CCDC146: variants seen among roughly 807,000 people sequenced by gnomAD.
CCDC146 encodes coiled-coil domain-containing protein 146.
CCDC146 carries 92 observed loss-of-function variants against 119.3 expected under a neutral mutation model. The observed-to-expected ratio is 0.77, with a 90% CI of 0.65 to 0.92. CCDC146 has a LOEUF of 0.92. Among genes scored for constraint, CCDC146 ranks in the 40% least tolerant of loss-of-function variants. The pLI is 0.00. For missense variants in CCDC146, 1,000 were observed against 1,103.0 expected (o/e 0.91, Z 1.32); for synonymous variants, 372 against 371.8 (o/e 1.00, Z -0.01).
intron 2 of CCDC146, among the ~76,000 whole-genome samples, chr7:77,217,560 T>TAGAG (rs200588758): frequency 1.4e-3 from 194 of 137,574 alleles, no homozygotes; most frequent in African/African-American, 4.6e-3. Flanking sequence ...CATATATATA[T>TAGAG]ATAGAGAGAG....
intron 2 of CCDC146, among the ~76,000 whole-genome samples, chr7:77,187,240 G>A (rs1791681757): frequency 6.6e-6 from 1 of 152,138 alleles, no homozygotes; most frequent in African/African-American, 2.4e-5. Context: ...TGCAAGGAGG[G>A]AATAAGGACT....
chr7:77,286,699 T>C, intron 15 of CCDC146, 99 bp from the exon 16 acceptor site: 3 of 1,116,174 alleles, frequency 2.7e-6, no homozygotes, highest in South Asian at 2.9e-5. Context: ...CTTGTCTGGG[T>C]TGGTCCTACT....
At chr7:77,217,753 A>G (rs551142372) in intron 2 of CCDC146, among the ~76,000 whole-genome samples, 1 of 152,330 alleles carries the variant, frequency 6.6e-6, no homozygotes, top group Non-Finnish European at 1.5e-5. Flanking sequence ...TGTAGCCTAT[A>G]GCTCCTAGGC....
At chr7:77,275,190 T>C (rs1197026861) in intron 11 of CCDC146, among the ~76,000 whole-genome samples, 1 of 152,024 alleles carries the variant, frequency 6.6e-6, no homozygotes, top group Non-Finnish European at 1.5e-5. Context: ...ACTCACAGAA[T>C]ACAAAACCTG....
chr7:77,275,248 A>G lies in CCDC146; in HGVS notation c.1440+596A>G, dbSNP rs1171350758. On this transcript the variant is annotated intron_variant, in intron 11 of 18. Coordinates refer to ENST00000285871, the MANE Select transcript of CCDC146 (RefSeq NM_020879.3). ...CTTACAGGTGAGTTCCACAGGGCCA[A>G]CTTTGGGACTGCTTGAATATGCTTG... 2.0e-5 allele frequency among the ~76,000 whole-genome samples: 3 copies of G among 152,180 alleles called. No homozygotes were observed. In the East Asian group the frequency reaches 5.8e-4, roughly 29 times the overall value.
At chr7:77,259,210 A>C in intron 7 of CCDC146, 142 bp downstream of exon 7, 1 of 537,796 alleles carries the variant, frequency 1.9e-6, no homozygotes, top group Non-Finnish European at 3.3e-6. Context: ...TAGGTTGTTT[A>C]TATCAAGTTC....
intron 2 of CCDC146, among the ~76,000 whole-genome samples, chr7:77,215,932 T>C (rs979583008): frequency 1.3e-5 from 2 of 152,020 alleles, no homozygotes; most frequent in Non-Finnish European, 2.9e-5. Context: ...TAATAATTGC[T>C]TCTTAATTTA....
chr7:77,290,069 G>C (rs528830646), intron 17 of CCDC146, among the ~76,000 whole-genome samples: 1 of 151,912 alleles, frequency 6.6e-6, no homozygotes, highest in Non-Finnish European at 1.5e-5. Context: ...GCCAAAAAAA[G>C]GATGAGTTCA....
Position 77,196,858 on chromosome 7 carries a change from C to T in CCDC146, c.156+29034C>T, listed in dbSNP as rs548765525. 1.4e-5 allele frequency: 22 copies of T among 1,613,928 alleles called. No individual in the cohort carries two copies. The highest frequency in any genetic ancestry group is 1.8e-5 in the Non-Finnish European group (21 of 1,179,998). On this transcript the variant is annotated intron_variant, in intron 2 of 18. Transcript: ENST00000285871. The surrounding 1 kb of genome is among the most constrained non-coding windows in gnomAD (Gnocchi z 4.2). ...CCTGCAGCACTGTCCAGCCTCCCCC[C>T]ATGGTCTCCATGTCACAGTAAACTT...
chr7:77,249,290 C>T (rs1390696455), intron 4 of CCDC146, among the ~76,000 whole-genome samples: 1 of 152,114 alleles, frequency 6.6e-6, no homozygotes, highest in East Asian at 1.9e-4. Context: ...GAGATCAAGA[C>T]CATCCTGGCC....
chr7:77,228,888 T>C lies in CCDC146; in HGVS notation c.157-8059T>C, dbSNP rs183351908. ...ACATATGCAGGATGTGCAGGTTTAT[T>C]ACATAGGTAAATGTGTGCCATGGTG... On this transcript the variant is annotated intron_variant, in intron 2 of 18. Transcript: ENST00000285871. Among the ~76,000 whole-genome samples, 57 of 152,394 alleles carry C rather than the reference T, an allele frequency of 3.7e-4. No homozygotes were observed. In the Middle Eastern group the frequency reaches 0.01, roughly 27 times the overall value.
At chr7:77,141,317 A>G (rs1347671509) in intron 1 of CCDC146, among the ~76,000 whole-genome samples, 1 of 152,136 alleles carries the variant, frequency 6.6e-6, no homozygotes. Context: ...CCAGTCTATC[A>G]CTGATGGGCA....
At position 77,132,672 on chromosome 7, in the gene CCDC146, G is replaced by C. The variant is rs553276555; in HGVS notation, c.-12+9940G>C. 2.0e-3 allele frequency among the ~76,000 whole-genome samples: 307 copies of C among 152,140 alleles called. 1 individual carries two copies. The highest frequency in any genetic ancestry group is 7.1e-3 in the African/African-American group (296 of 41,498). ...GAATCAGTTGAGTCCAGGATGTCAA[G>C]GCTGCAGTGAGCTATGATTGTACCA... On this transcript the variant is annotated intron_variant, in intron 1 of 18. Transcript: ENST00000285871.
intron 1 of CCDC146, among the ~76,000 whole-genome samples, chr7:77,142,584 GC>G (rs961296864): frequency 1.8e-4 from 28 of 151,402 alleles, no homozygotes; most frequent in African/African-American, 6.8e-4. Context: ...CTTACAACAG[GC>G]CCCGGTGTGT....
chr7:77,152,225 A>G (rs1032227759), intron 1 of CCDC146, among the ~76,000 whole-genome samples: 3 of 152,106 alleles, frequency 2.0e-5, no homozygotes, highest in Non-Finnish European at 4.4e-5. Flanking sequence ...AGAGATATTT[A>G]TTTATTTATT....
intron 2 of CCDC146, among the ~76,000 whole-genome samples, chr7:77,177,014 T>C (rs899468032): frequency 7.2e-5 from 11 of 151,922 alleles, no homozygotes; most frequent in Non-Finnish European, 1.5e-4. Flanking sequence ...TTTTGTATTT[T>C]ATGTAGAGAT....
Position 77,279,048 on chromosome 7 carries a change from A to T in CCDC146, c.1641A>T (p.Lys547Asn). 5 of 1,608,302 alleles carry T rather than the reference A, an allele frequency of 3.1e-6. No individual in the cohort carries two copies. Among genetic ancestry groups the T allele is most frequent in the Non-Finnish European group, 4.2e-6 (5 of 1,176,498 alleles). The change falls in exon 13 of 19, where the codon AAA (lysine) becomes AAT (asparagine). Residue 547 changes from lysine (K) to asparagine (N), a missense_variant. By Grantham distance (94) the Lys-to-Asn change is moderately conservative. Transcript: ENST00000285871. ...QKVNEIKERH[K>N]MSLNELEILR... is the part of the protein sequence containing the mutation. ...TAAATGAAATAAAAGAAAGGCATAA[A>T]ATGTCATTAAATGAACTTGAAATTC...
chr7:77,212,875 T>C (rs1314288162), intron 2 of CCDC146, among the ~76,000 whole-genome samples: 1 of 151,938 alleles, frequency 6.6e-6, no homozygotes, highest in Non-Finnish European at 1.5e-5. Context: ...ATCTGGATTT[T>C]GCTTAATAGT....
At chr7:77,126,599 A>G (rs1038707569) in intron 1 of CCDC146, among the ~76,000 whole-genome samples, 6 of 151,980 alleles carry the variant, frequency 3.9e-5, no homozygotes, top group Non-Finnish European at 8.8e-5. Flanking sequence ...TGCAGCTCTC[A>G]GTGGAGAGGA....
Sources: allele counts gnomAD v4.1 joint callset (sites outside exome capture counted in the v4.1 genomes callset), GRCh38; gene constraint gnomAD v4.1.1; non-coding constraint Gnocchi (gnomAD v3.1); transcripts MANE v1.5; gene names NCBI Gene and HGNC (gene_info 2026-07-23, HGNC 2026-07-21).